The following SMAD2 variants were observed in gnomAD, a reference collection of about 807,000 sequenced individuals.
SMAD2 encodes the protein SMAD family member 2.
In SMAD2, 8 loss-of-function variants were observed where a neutral mutation model predicts 64.4. The observed-to-expected ratio is 0.12, with a 90% CI of 0.07 to 0.22. The LOEUF (loss-of-function observed/expected upper bound fraction) is 0.22, where lower values mean the gene tolerates loss of function less well. Among genes scored for constraint, SMAD2 ranks in the 10% least tolerant of loss-of-function variants. The pLI is 1.00. For missense variants in SMAD2, 289 were observed against 561.2 expected, an observed-to-expected ratio of 0.51 and a Z score of 4.90; for synonymous variants, 203 against 195.8, an observed-to-expected ratio of 1.04 and a Z score of -0.31.
intron 1 of SMAD2, among the ~76,000 whole-genome samples, chr18:47,916,847 C>A (rs1340532414): frequency 1.3e-5 from 2 of 152,226 alleles, no homozygotes; most frequent in Non-Finnish European, 2.9e-5. Context: ...AGTATTCTTG[C>A]AGTTTTAAAA....
rs1787183 is a variant in SMAD2 at position 47,820,561 on chromosome 18, A to C, written c.*21266T>G. The stretch of plus-strand genomic sequence containing the variant: ...TGTGAGAATGTACCTTTGGTAAGGA[A>C]GGTTACAAAATTAACAGAATAATTC... On this transcript the variant is annotated 3_prime_UTR_variant, in exon 11 of 11. Transcript: ENST00000262160. The C allele has an allele frequency of 6.6e-6, 1 of 151,920 alleles. No homozygotes were observed. The highest frequency in any genetic ancestry group is 1.5e-5 in the Non-Finnish European group (1 of 67,962). 9.4% of individuals were successfully genotyped at this position (151,920 alleles called of 1,614,324 possible).
intron 7 of SMAD2, among the ~76,000 whole-genome samples, 167 bp from the exon 8 acceptor site, chr18:47,848,854 G>A (rs1167130056): frequency 6.6e-6 from 1 of 152,172 alleles, no homozygotes; most frequent in Non-Finnish European, 1.5e-5. Context: ...GATGATACCA[G>A]ATTTTCAGTA....
At position 47,830,262 on chromosome 18, in the gene SMAD2, C is replaced by T. The variant is rs539631891; in HGVS notation, c.*11565G>A. On this transcript the variant is annotated 3_prime_UTR_variant, in exon 11 of 11. Transcript: ENST00000262160. ...ACATTCCTATAAAACATTTTTATTC[C>T]AGGTGGTAAGCTGGCTTAAATTTTC... is the stretch of plus-strand genomic sequence containing the variant. The T allele has an allele frequency of 6.6e-6, 1 of 151,820 alleles. No homozygotes were observed. Among genetic ancestry groups the T allele is most frequent in the South Asian group, 2.1e-4 (1 of 4,812 alleles). 9.4% of individuals were successfully genotyped at this position (151,820 alleles called of 1,614,324 possible).
chr18:47,905,164 G>T (rs929475252), intron 1 of SMAD2, among the ~76,000 whole-genome samples: 1 of 152,100 alleles, frequency 6.6e-6, no homozygotes, highest in African/African-American at 2.4e-5. Flanking sequence ...ATTTAGCAAG[G>T]TTTCAAGATA....
chr18:47,926,930 C>G (rs895384487), intron 1 of SMAD2, among the ~76,000 whole-genome samples: 9 of 152,140 alleles, frequency 5.9e-5, no homozygotes, highest in African/African-American at 2.2e-4. Context: ...TGTCAGAAAA[C>G]CAAGGGCCTG....
intron 6 of SMAD2, 53 bp from the exon 7 acceptor site, chr18:47,851,380 A>C: frequency 8.4e-7 from 1 of 1,193,356 alleles, no homozygotes; most frequent in Non-Finnish European, 1.3e-6. Flanking sequence ...CTTCTGATCA[A>C]GTAATCATAA....
intron 8 of SMAD2, 53 bp downstream of exon 8, chr18:47,848,422 T>C (rs1210838860): frequency 1.5e-6 from 2 of 1,334,780 alleles, no homozygotes; most frequent in Non-Finnish European, 2.2e-6. Flanking sequence ...ATGCAATGCC[T>C]ACATTATGAG....
intron 2 of SMAD2, among the ~76,000 whole-genome samples, chr18:47,882,149 G>A (rs1568079231): frequency 1.4e-5 from 2 of 142,364 alleles, no homozygotes; most frequent in African/African-American, 5.1e-5. Context: ...GCCTCCCAAA[G>A]TGCTGGGATT....
intron 7 of SMAD2, 135 bp from the exon 8 acceptor site, chr18:47,848,822 A>AGT: frequency 1.5e-6 from 1 of 674,730 alleles, no homozygotes. Flanking sequence ...AAGTAGACAT[A>AGT]GTATCTGTAT....
intron 1 of SMAD2, among the ~76,000 whole-genome samples, chr18:47,898,740 A>C (rs917781910): frequency 6.6e-6 from 1 of 152,172 alleles, no homozygotes; most frequent in East Asian, 1.9e-4. Flanking sequence ...AATACACATG[A>C]CAATTAAGAG....
chr18:47,856,647 A>T (rs1340795878), intron 6 of SMAD2, among the ~76,000 whole-genome samples: 4 of 152,098 alleles, frequency 2.6e-5, no homozygotes, highest in Admixed American at 6.6e-5. Context: ...AACCAGCCAG[A>T]CATATAGTGT....
At chr18:47,844,397 G>A (rs939195021) in intron 10 of SMAD2, among the ~76,000 whole-genome samples, 1 of 152,124 alleles carries the variant, frequency 6.6e-6, no homozygotes, top group Non-Finnish European at 1.5e-5. Flanking sequence ...TAAGCAATAC[G>A]AATTGAAGAA....
intron 1 of SMAD2, among the ~76,000 whole-genome samples, chr18:47,902,434 A>G (rs1273471355): frequency 6.6e-6 from 1 of 152,212 alleles, no homozygotes; most frequent in Non-Finnish European, 1.5e-5. Context: ...CACAACTATA[A>G]ATCTATGAGT....
At chr18:47,868,276 A>G (rs2144372257) in intron 5 of SMAD2, 47 bp downstream of exon 5, 1 of 1,545,222 alleles carries the variant, frequency 6.5e-7, no homozygotes, top group Non-Finnish European at 8.9e-7. Context: ...CTTATGAACA[A>G]AATTTGTATC....
chr18:47,929,248 T>C (rs1056148039), intron 1 of SMAD2, among the ~76,000 whole-genome samples: 15 of 152,214 alleles, frequency 9.9e-5, no homozygotes, highest in Admixed American at 9.8e-4. Flanking sequence ...GGAAACTTTT[T>C]AAAGGGTGTT....
intron 2 of SMAD2, chr18:47,886,911 CATG>C (rs1016089570): frequency 3.5e-5 from 5 of 141,332 alleles, no homozygotes; most frequent in African/African-American, 1.4e-4. Flanking sequence ...TAACCAGTAT[CATG>C]ATTATATGCA....
rs933376749 is a variant in SMAD2, at chr18:47,817,483, T to A, written c.*24344A>T. ...TCTGGATTTAAAAACAATTTTTTTT[T>A]AGAGACAGTGTCTCACTATACTGCT... On this transcript the variant is annotated 3_prime_UTR_variant, in exon 11 of 11. Transcript: ENST00000262160. The A allele has an allele frequency of 6.6e-6, 1 of 152,184 alleles. No individual in the cohort carries two copies. The highest frequency in any genetic ancestry group is 6.5e-5 in the Admixed American group (1 of 15,288). The allele number at this position is 152,184 out of a possible 1,614,324, so 9.4% of individuals were successfully genotyped here.
intron 1 of SMAD2, among the ~76,000 whole-genome samples, chr18:47,919,729 T>G (rs1310237082): frequency 6.6e-6 from 1 of 152,092 alleles, no homozygotes; most frequent in Non-Finnish European, 1.5e-5. Flanking sequence ...CTTCACTGAT[T>G]AGAGCCAAAT....
chr18:47,880,245 T>C (rs534899122), intron 2 of SMAD2, among the ~76,000 whole-genome samples: 1 of 152,258 alleles, frequency 6.6e-6, no homozygotes, highest in Non-Finnish European at 1.5e-5. Flanking sequence ...TATTCTCCTA[T>C]ATTTTCTTAT....
Sources: allele counts gnomAD v4.1 joint callset (sites outside exome capture counted in the v4.1 genomes callset), GRCh38; gene constraint gnomAD v4.1.1; transcripts MANE v1.5; gene names NCBI Gene and HGNC (gene_info 2026-07-23, HGNC 2026-07-21).